CEP97: variants seen among roughly 807,000 people sequenced by gnomAD.
CEP97 encodes the protein centrosomal protein 97.
A neutral mutation model predicts 73.1 loss-of-function variants in CEP97; 43 were observed. The observed-to-expected ratio is 0.59, with a 90% CI of 0.46 to 0.76. The LOEUF is 0.76. Ranked by LOEUF, CEP97 falls within the 30% of genes least tolerant of loss-of-function variation. The pLI, the probability that CEP97 is intolerant of heterozygous loss-of-function variation, is 0.00. For synonymous variants in CEP97, 337 were observed against 370.0 expected (o/e 0.91, Z 1.02); for missense variants, 939 against 1,014.0 (o/e 0.93, Z 1.00).
intron 5 of CEP97, 123 bp from the exon 6 acceptor site, chr3:101,732,365 A>T: frequency 1.5e-6 from 1 of 676,708 alleles, no homozygotes; most frequent in Non-Finnish European, 2.5e-6. Flanking sequence ...GACACTTGTC[A>T]CTTTTCAGAA....
intron 6 of CEP97, among the ~76,000 whole-genome samples, chr3:101,740,713 C>A (rs549521308): frequency 1.3e-5 from 2 of 152,074 alleles, no homozygotes; most frequent in Non-Finnish European, 2.9e-5. Context: ...CCTCAGCCTC[C>A]CTAGTAGCTG....
At chr3:101,740,589 C>CT (rs1430110376) in intron 6 of CEP97, among the ~76,000 whole-genome samples, 99 of 151,598 alleles carry the variant, frequency 6.5e-4, no homozygotes, top group Non-Finnish European at 8.8e-5. Flanking sequence ...CTACCATTGA[C>CT]TTTCTTTTTT....
intron 6 of CEP97, among the ~76,000 whole-genome samples, chr3:101,738,347 A>G (rs1938347479): frequency 6.6e-6 from 1 of 152,184 alleles, no homozygotes; most frequent in Non-Finnish European, 1.5e-5. Context: ...AAGCAGACCT[A>G]ATAGATATCT....
chr3:101,747,211 T>C lies in CEP97; in HGVS notation c.729-8219T>C, dbSNP rs1171247408. Reference sequence around the variant, plus strand: ...CCCAAAGGACTATAAATCATGCTGTTGGAGCATTTTAAAAGCAAATATCAG... The same window carrying C: ...CCCAAAGGACTATAAATCATGCTGTCGGAGCATTTTAAAAGCAAATATCAG... On this transcript the variant is annotated intron_variant, in intron 6 of 10. Transcript: ENST00000341893. 2.0e-5 allele frequency among the ~76,000 whole-genome samples: 3 copies of C among 151,946 alleles called. No homozygotes were observed. The East Asian group carries it at 5.8e-4, about 29-fold the overall frequency.
intron 6 of CEP97, among the ~76,000 whole-genome samples, chr3:101,743,619 T>C (rs1309909685): frequency 2.0e-5 from 3 of 152,092 alleles, no homozygotes; most frequent in Non-Finnish European, 4.4e-5. Flanking sequence ...TGGTCTTGAA[T>C]TCCTGGGCTA....
chr3:101,765,689 T>G lies in CEP97; in HGVS notation c.*138T>G, dbSNP rs537384063. 4 of 663,624 alleles carry G rather than the reference T, an allele frequency of 6.0e-6. No individual in the cohort carries two copies. In the South Asian group the frequency reaches 6.4e-5, roughly 11 times the overall value. The allele number at this position is 663,624 out of a possible 1,614,324, so 41.1% of individuals were successfully genotyped here. On this transcript the variant is annotated 3_prime_UTR_variant, in exon 11 of 11. Transcript: ENST00000341893. The stretch of plus-strand genomic sequence containing the variant: ...ATAGAATTTGTATTCATGTCTTATA[T>G]TTTTCAGATTCTAGATATTGAGCTG...
At chr3:101,752,528 A>G (rs1438084526) in intron 6 of CEP97, among the ~76,000 whole-genome samples, 2 of 152,224 alleles carry the variant, frequency 1.3e-5, no homozygotes, top group East Asian at 3.8e-4. Flanking sequence ...ACTTTCAGGT[A>G]CACTAATCAG....
At chr3:101,753,849 C>G (rs866331910) in intron 6 of CEP97, among the ~76,000 whole-genome samples, 1 of 152,118 alleles carries the variant, frequency 6.6e-6, no homozygotes, top group Non-Finnish European at 1.5e-5. Flanking sequence ...TGACCCCTTG[C>G]GCTTCCTGAG....
At chr3:101,748,483 A>T (rs990084929) in intron 6 of CEP97, among the ~76,000 whole-genome samples, 6 of 152,172 alleles carry the variant, frequency 3.9e-5, no homozygotes, top group Admixed American at 2.0e-4. Flanking sequence ...CTTGCTGAGA[A>T]ATATTAAAGT....
intron 6 of CEP97, among the ~76,000 whole-genome samples, chr3:101,748,992 T>G (rs1205899069): frequency 1.3e-5 from 2 of 152,150 alleles, no homozygotes; most frequent in Non-Finnish European, 2.9e-5. Context: ...ACTTTTTTGG[T>G]TAAATTTTAT....
At chr3:101,747,980 A>T (rs1938676111) in intron 6 of CEP97, among the ~76,000 whole-genome samples, 1 of 151,582 alleles carries the variant, frequency 6.6e-6, no homozygotes, top group South Asian at 2.1e-4. Context: ...AAAAATGAAA[A>T]AATTAGCTGG....
rs1362960854 is a variant in CEP97 at position 101,764,832 on chromosome 3, TTC to T, written c.1894-11_1894-10del. 6.4e-7 allele frequency: 1 copy of T among 1,569,956 alleles called. No individual in the cohort carries two copies. Among genetic ancestry groups the T allele is most frequent in the Admixed American group, 2.0e-5 (1 of 49,350 alleles). On this transcript the variant is annotated splice_polypyrimidine_tract_variant and intron_variant, in intron 10 of 10. Coordinates refer to ENST00000341893, the MANE Select transcript of CEP97 (RefSeq NM_024548.4). ...CTTTTTATTTTATAATACAACTGTATTCTCTGGTTTATAGGTAAGGTCTCTAC... is the reference window on the plus strand; with the variant it reads ...CTTTTTATTTTATAATACAACTGTATTCTGGTTTATAGGTAAGGTCTCTAC...
intron 6 of CEP97, among the ~76,000 whole-genome samples, chr3:101,745,452 G>A (rs1387545709): frequency 2.6e-5 from 4 of 152,128 alleles, no homozygotes; most frequent in Non-Finnish European, 4.4e-5. Flanking sequence ...TTTTTGTAGA[G>A]ATGGGTTATT....
intron 1 of CEP97, among the ~76,000 whole-genome samples, chr3:101,725,451 T>G (rs562480847): frequency 6.5e-4 from 99 of 152,290 alleles, no homozygotes; most frequent in Admixed American, 5.6e-3. Flanking sequence ...TCTTCATGGC[T>G]TAGACCAGGA....
At position 101,728,927 on chromosome 3, in the gene CEP97, T is replaced by C. The variant is rs1324742876; in HGVS notation, c.437T>C (p.Val146Ala). The C allele has an allele frequency of 1.3e-6, 2 of 1,514,192 alleles. No individual in the cohort carries two copies. The highest frequency in any genetic ancestry group is 2.3e-5 in the South Asian group (2 of 88,174). The allele number at this position is 1,514,192 out of a possible 1,614,324, so 93.8% of individuals were successfully genotyped here. Residue 146 changes from valine (V) to alanine (A), a missense_variant, in exon 4 of 11, where the codon GTA becomes GCA. By Grantham distance (64) the Val-to-Ala change is moderately conservative. Coordinates refer to ENST00000341893, the MANE Select transcript of CEP97 (RefSeq NM_024548.4). ...ISQIGDLSKL[V>A]SLKTLLLHGN... is the part of the protein sequence containing the mutation. ...CAGATAGGTGATCTATCTAAATTGG[T>C]ATCCCTGAAAGTAAGTATGTTTTCT... is the stretch of plus-strand genomic sequence containing the variant.
intron 6 of CEP97, among the ~76,000 whole-genome samples, chr3:101,741,077 T>C (rs1456206116): frequency 1.3e-5 from 2 of 152,138 alleles, no homozygotes; most frequent in Admixed American, 6.6e-5. Flanking sequence ...AAAACAGTTA[T>C]ATAGACAAAT....
At chr3:101,753,630 G>A (rs904881305) in intron 6 of CEP97, among the ~76,000 whole-genome samples, 70 of 152,174 alleles carry the variant, frequency 4.6e-4, no homozygotes, top group Non-Finnish European at 8.8e-4. Flanking sequence ...CCCCAGCCTT[G>A]CTGCTGCCTT....
In CEP97 at chr3:101,765,582, A is replaced by G. The variant is rs2107198713; in HGVS notation, c.*31A>G. Reference sequence around the variant, plus strand: ...CTTTTGGGAGGCAGATATCCACTTAACTTTTCTTAAAAATACTTTCAGTTG... The same window carrying G: ...CTTTTGGGAGGCAGATATCCACTTAGCTTTTCTTAAAAATACTTTCAGTTG... On this transcript the variant is annotated 3_prime_UTR_variant, in exon 11 of 11. Transcript: ENST00000341893. 6.5e-7 allele frequency: 1 copy of G among 1,534,846 alleles called. No individual in the cohort carries two copies. Among genetic ancestry groups the G allele is most frequent in the East Asian group, 2.3e-5 (1 of 43,992 alleles).
At chr3:101,747,716 GAGAC>G (rs1938668155) in intron 6 of CEP97, among the ~76,000 whole-genome samples, 1 of 146,640 alleles carries the variant, frequency 6.8e-6, no homozygotes, top group South Asian at 2.1e-4. Flanking sequence ...TTTTTTTAAA[GAGAC>G]AGAGCAGGTT....
Sources: gnomAD v4.1 joint callset for allele counts (sites outside exome capture counted in the v4.1 genomes callset) on GRCh38, gnomAD v4.1.1 for gene constraint, MANE v1.5 for transcripts, NCBI Gene and HGNC (gene_info 2026-07-23, HGNC 2026-07-21) for gene names.